The following ZNHIT3 variants were observed in gnomAD, a reference collection of about 807,000 sequenced individuals.
ZNHIT3 encodes the protein zinc finger HIT domain-containing protein 3.
In ZNHIT3, 27 loss-of-function variants were observed where a neutral mutation model predicts 19.9. The ratio of observed to expected loss-of-function variants is 1.36; its 90% CI spans 1.00 to 1.87. The LOEUF (loss-of-function observed/expected upper bound fraction) is 1.87. Ranked by LOEUF, ZNHIT3 falls within the 40% of genes most tolerant of loss-of-function variation. ZNHIT3 has a pLI of 0.00. For synonymous variants in ZNHIT3, 81 were observed against 65.7 expected, an observed-to-expected ratio of 1.23 and a Z score of -1.13; for missense variants, 215 against 185.6, an observed-to-expected ratio of 1.16 and a Z score of -0.92.
At chr17:36,493,022 C>G (rs911714445) in intron 3 of ZNHIT3, 123 bp downstream of exon 3, 7 of 900,390 alleles carry the variant, frequency 7.8e-6, no homozygotes, top group Non-Finnish European at 1.3e-5. Flanking sequence ...GGAACAGCTT[C>G]CTTAGCCTTG....
downstream of ZNHIT3, chr17:36,498,472 G>A (rs2071206888): frequency 6.2e-7 from 1 of 1,614,056 alleles, no homozygotes; most frequent in Non-Finnish European, 8.5e-7. Flanking sequence ...GTCTGCAGCG[G>A]CGAGGTGCTC....
Position 36,495,346 on chromosome 17 carries a change from T to TGGA in ZNHIT3, c.412_414dup (p.Glu138dup), listed in dbSNP as rs759707840. 6.2e-7 allele frequency: 1 copy of TGGA among 1,613,326 alleles called. No individual in the cohort carries two copies. The highest frequency in any genetic ancestry group is 2.2e-5 in the East Asian group (1 of 44,856). ...GCTTACATGCAAGAGCCTTTGTTTGTGGAGTTTGCAGACTGCTGTTTAGGA... is the reference window on the plus strand; with the variant it reads ...GCTTACATGCAAGAGCCTTTGTTTGTGGAGGAGTTTGCAGACTGCTGTTTAGGA... On this transcript the variant is annotated inframe_insertion, in exon 5 of 5. Transcript: ENST00000617429.
At chr17:36,493,062 G>C (rs539310010) in intron 3 of ZNHIT3, 163 bp downstream of exon 3, 3 of 670,614 alleles carry the variant, frequency 4.5e-6, no homozygotes, top group Non-Finnish European at 5.2e-6. Context: ...TGTCATCATG[G>C]GTGATATTGA....
intron 2 of ZNHIT3, chr17:36,489,553 A>G (rs1033033006): frequency 6.6e-6 from 1 of 151,972 alleles, no homozygotes; most frequent in Admixed American, 6.6e-5. Context: ...AGTGATGTTG[A>G]ACATTTTTTC....
intron 2 of ZNHIT3, chr17:36,490,776 A>G (rs1367182169): frequency 6.6e-6 from 1 of 152,164 alleles, no homozygotes; most frequent in Non-Finnish European, 1.5e-5. Flanking sequence ...TTAATAAATA[A>G]TTTTTATCAG....
chr17:36,495,547 C>A lies in ZNHIT3; in HGVS notation c.*143C>A, dbSNP rs1383438237. Reference sequence around the variant, plus strand: ...GCAGATTAGGTCATGCAGGCCTTTACCGGCATTGATGTGGCTCATGTTTCA... The same window carrying A: ...GCAGATTAGGTCATGCAGGCCTTTAACGGCATTGATGTGGCTCATGTTTCA... On this transcript the variant is annotated 3_prime_UTR_variant, in exon 5 of 5. Transcript: ENST00000617429. 2 of 1,336,942 alleles carry A rather than the reference C, an allele frequency of 1.5e-6. No homozygotes were observed. The allele number at this position is 1,336,942 out of a possible 1,614,324, so 82.8% of individuals were successfully genotyped here.
chr17:36,498,907 A>G (rs2071247017), downstream of ZNHIT3: 4 of 610,568 alleles, frequency 6.6e-6, no homozygotes, highest in Non-Finnish European at 1.2e-5. Context: ...CCTGCAGGGT[A>G]GGTGTTACTG....
chr17:36,488,373 C>T (rs559923255), intron 2 of ZNHIT3, among the ~76,000 whole-genome samples: 46 of 152,060 alleles, frequency 3.0e-4, no homozygotes, highest in African/African-American at 1.1e-3. Flanking sequence ...TATGAAACCA[C>T]ATCTCTACTA....
At chr17:36,494,359 G>A (rs1001615175) in intron 4 of ZNHIT3, among the ~76,000 whole-genome samples, 4 of 152,190 alleles carry the variant, frequency 2.6e-5, no homozygotes, top group African/African-American at 9.6e-5. Context: ...ATAAATCACT[G>A]TTACATTTCA....
downstream of ZNHIT3, among the ~76,000 whole-genome samples, chr17:36,497,067 C>T (rs1166531985): frequency 1.3e-5 from 2 of 152,040 alleles, no homozygotes; most frequent in Admixed American, 6.6e-5. Context: ...CGGTGGCTCA[C>T]ACCTGTAATC....
At position 36,495,284 on chromosome 17, in the gene ZNHIT3, C is replaced by T. The variant is rs375437798; in HGVS notation, c.348C>T (p.Asn116=). The T allele has an allele frequency of 2.5e-6, 4 of 1,613,424 alleles. No individual in the cohort carries two copies. In the African/African-American group the frequency reaches 4.0e-5, roughly 16 times the overall value. Residue 116 remains asparagine, a synonymous_variant, in exon 5 of 5, where the codon AAC becomes AAT. Coordinates refer to ENST00000617429, the MANE Select transcript of ZNHIT3 (RefSeq NM_004773.4). ...LNPHLRQLMV[N]LDQGEDKAKL... ...CACACCTCAGGCAGTTGATGGTCAA[C>T]CTCGATCAGGGAGAAGACAAAGCAA...
downstream of ZNHIT3, chr17:36,496,186 T>C: frequency 1.3e-6 from 2 of 1,585,352 alleles, no homozygotes; most frequent in Non-Finnish European, 1.7e-6. Context: ...AGCTGTGTGC[T>C]GATTAAATGT....
chr17:36,493,667 C>G (rs1411185438), intron 3 of ZNHIT3, among the ~76,000 whole-genome samples: 1 of 152,356 alleles, frequency 6.6e-6, no homozygotes, highest in East Asian at 1.9e-4. Flanking sequence ...CACAGGACCA[C>G]ATATACAGTA....
Position 36,495,307 on chromosome 17 carries a change from C to CA in ZNHIT3, c.374dup (p.Leu126AlafsTer28), listed in dbSNP as rs1371404002. 6.2e-7 allele frequency: 1 copy of CA among 1,613,874 alleles called. No individual in the cohort carries two copies. Among genetic ancestry groups the CA allele is most frequent in the Admixed American group, 1.7e-5 (1 of 59,894 alleles). On this transcript the variant is annotated frameshift_variant, in exon 5 of 5. Coordinates refer to ENST00000617429, the MANE Select transcript of ZNHIT3 (RefSeq NM_004773.4). LOFTEE classifies it high-confidence loss of function. ...AACCTCGATCAGGGAGAAGACAAAG[C>CA]AAAGCTCATGAGAGCTTACATGCAA...
At position 36,492,837 on chromosome 17, in the gene ZNHIT3, C is replaced by T. The variant is rs1190449070; in HGVS notation, c.143C>T (p.Pro48Leu). The change falls in exon 3 of 5, where the codon CCT (proline) becomes CTT (leucine). Residue 48 changes from proline to leucine, a missense_variant. By Grantham distance (98) the Pro-to-Leu change is moderately conservative (BLOSUM62 -3). Transcript: ENST00000617429. The stretch of plus-strand genomic sequence containing the variant: ...GAACAGTGCAACCCTGAAACTCGTC[C>T]TGTTGAGAAAAAAATAAGATCAGCT... ...HKEQCNPETR[P>L]VEKKIRSALP... 6.2e-7 allele frequency: 1 copy of T among 1,614,134 alleles called. No homozygotes were observed. Among genetic ancestry groups the T allele is most frequent in the Non-Finnish European group, 8.5e-7 (1 of 1,180,020 alleles).
chr17:36,498,633 T>C, downstream of ZNHIT3: 2 of 1,451,636 alleles, frequency 1.4e-6, no homozygotes, highest in Non-Finnish European at 1.8e-6. Context: ...ATCAAAACTA[T>C]CTTTAACAAA....
intron 2 of ZNHIT3, 64 bp downstream of exon 2, chr17:36,487,030 C>A: frequency 6.3e-7 from 1 of 1,593,858 alleles, no homozygotes; most frequent in Non-Finnish European, 8.5e-7. Flanking sequence ...GTCCAGCCTC[C>A]GTCTTGGGGG....
downstream of ZNHIT3, chr17:36,496,030 G>A (rs1328096720): frequency 8.9e-6 from 7 of 782,970 alleles, no homozygotes; most frequent in Non-Finnish European, 1.3e-5. Context: ...ACCCTGATTT[G>A]GTAACTACCA....
downstream of ZNHIT3, chr17:36,496,458 G>C (rs2070984397): frequency 6.3e-7 from 1 of 1,589,482 alleles, no homozygotes; most frequent in East Asian, 2.2e-5. Context: ...GGAGTGCCAG[G>C]GCCTAACAAC....
Sources: gnomAD v4.1 joint callset for allele counts (sites outside exome capture counted in the v4.1 genomes callset) on GRCh38, gnomAD v4.1.1 for gene constraint, MANE v1.5 for transcripts, NCBI Gene and HGNC (gene_info 2026-07-23, HGNC 2026-07-21) for gene names.